Variants in DLGAP2 observed in about 807,000 individuals in gnomAD.
The protein encoded by DLGAP2 is DLG associated protein 2.
Under a neutral mutation model 100.3 loss-of-function variants are expected in DLGAP2, and 26 were observed. The observed-to-expected ratio is 0.26, with a 90% CI of 0.19 to 0.36. The LOEUF is 0.36. Among genes scored for constraint, DLGAP2 ranks in the 10% least tolerant of loss-of-function variants. The probability of loss-of-function intolerance (pLI) is 1.00; values close to 1 mark genes in which losing one functional copy is unlikely to be tolerated. For synonymous variants in DLGAP2, 886 were observed against 630.1 expected, an observed-to-expected ratio of 1.41 and a Z score of -6.08; for missense variants, 1,858 against 1,453.2, an observed-to-expected ratio of 1.28 and a Z score of -4.53.
chr8:1,370,369 G>C (rs539190141), intron 3 of DLGAP2, among the ~76,000 whole-genome samples: 3 of 152,052 alleles, frequency 2.0e-5, no homozygotes, highest in Non-Finnish European at 4.4e-5. Context: ...GCACCATCTC[G>C]TCACCACCTT....
At chr8:924,483 G>T (rs1798773416) in intron 2 of DLGAP2, among the ~76,000 whole-genome samples, 1 of 152,194 alleles carries the variant, frequency 6.6e-6, no homozygotes, top group Non-Finnish European at 1.5e-5. Context: ...GTGAAGTTTA[G>T]TGCTGGCCTT....
intron 8 of DLGAP2, among the ~76,000 whole-genome samples, chr8:1,643,272 C>A (rs868316030): frequency 2.2e-4 from 3 of 13,466 alleles, no homozygotes; most frequent in African/African-American, 6.8e-4. Flanking sequence ...TCACCCTCGA[C>A]CCCGCCGGTC....
chr8:1,094,312 T>TA (rs1017241051), intron 2 of DLGAP2, among the ~76,000 whole-genome samples: 47 of 152,322 alleles, frequency 3.1e-4, no homozygotes, highest in African/African-American at 1.1e-3. Context: ...AATTATGTTA[T>TA]AAAAAATGAT....
chr8:1,196,869 A>T (rs1797762920), intron 2 of DLGAP2, among the ~76,000 whole-genome samples: 1 of 152,138 alleles, frequency 6.6e-6, no homozygotes, highest in African/African-American at 2.4e-5. Flanking sequence ...CAGGATATAT[A>T]CAGACAGGCA....
intron 6 of DLGAP2, among the ~76,000 whole-genome samples, chr8:1,596,746 G>T (rs79691685): frequency 1.3e-5 from 2 of 151,884 alleles, no homozygotes. Context: ...TTGTAAATTT[G>T]TTAAAGTTCC....
At chr8:1,360,525 A>AG (rs1249049463) in intron 3 of DLGAP2, among the ~76,000 whole-genome samples, 1 of 151,952 alleles carries the variant, frequency 6.6e-6, no homozygotes, top group African/African-American at 2.4e-5. Context: ...TTTGCCCTCG[A>AG]GGGGCAGCAC....
At chr8:1,562,479 CGGCGCCT>C in intron 5 of DLGAP2, among the ~76,000 whole-genome samples, 1 of 50,060 alleles carries the variant, frequency 2.0e-5, no homozygotes, top group Non-Finnish European at 3.8e-5. Context: ...GTTGGGGTGT[CGGCGCCT>C]CGTTACTGGG....
At chr8:888,347 GT>G (rs1416461492) in intron 1 of DLGAP2, among the ~76,000 whole-genome samples, 1 of 152,138 alleles carries the variant, frequency 6.6e-6, no homozygotes, top group Non-Finnish European at 1.5e-5. Flanking sequence ...GCTCATCGTA[GT>G]TTTTTGTTAC....
chr8:1,189,422 A>T (rs941922448), intron 2 of DLGAP2, among the ~76,000 whole-genome samples: 3 of 152,226 alleles, frequency 2.0e-5, no homozygotes, highest in Admixed American at 6.5e-5. Context: ...ACCATGTCAG[A>T]AGCATTTGGA....
At chr8:1,284,342 G>T (rs188688291) in intron 3 of DLGAP2, among the ~76,000 whole-genome samples, 9 of 152,270 alleles carry the variant, frequency 5.9e-5, no homozygotes, top group Non-Finnish European at 1.0e-4. Flanking sequence ...GGTATCCGGG[G>T]CTGTGGAATT....
chr8:1,697,655 T>C lies in DLGAP2; in HGVS notation c.2949+356T>C, dbSNP rs572139925. The stretch of plus-strand genomic sequence containing the variant: ...CTATGAATTATCTTTATCAAACTTG[T>C]TCTCATTGTGTAAATATTAAGCTGG... On this transcript the variant is annotated intron_variant, in intron 14 of 14. Coordinates refer to ENST00000637795, the MANE Select transcript of DLGAP2 (RefSeq NM_001346810.2). Among the ~76,000 whole-genome samples, 4 of 152,318 alleles carry C rather than the reference T, an allele frequency of 2.6e-5. No homozygotes were observed. The East Asian group carries it at 7.7e-4, about 29-fold the overall frequency.
intron 1 of DLGAP2, among the ~76,000 whole-genome samples, chr8:859,895 C>T (rs1797357862): frequency 1.3e-5 from 2 of 152,108 alleles, no homozygotes; most frequent in South Asian, 2.1e-4. Flanking sequence ...ACACATGAGA[C>T]ACATGGGCTT....
intron 2 of DLGAP2, among the ~76,000 whole-genome samples, chr8:1,043,314 A>G (rs986906886): frequency 0.036 from 711 of 19,486 alleles, 12 homozygotes; most frequent in Non-Finnish European, 0.053. Flanking sequence ...GGTGTGGGTG[A>G]TGGACGTGGG....
chr8:1,271,064 C>G (rs1211735999), intron 3 of DLGAP2, among the ~76,000 whole-genome samples: 1 of 152,050 alleles, frequency 6.6e-6, no homozygotes, highest in Non-Finnish European at 1.5e-5. Flanking sequence ...AATTCTTTCC[C>G]CACGTCTTCA....
chr8:1,448,468 C>A (rs1798042986), intron 3 of DLGAP2, among the ~76,000 whole-genome samples: 1 of 152,104 alleles, frequency 6.6e-6, no homozygotes. Context: ...GTTATAATTT[C>A]TGTTCTTTTA....
chr8:1,327,412 C>G (rs780474958), intron 3 of DLGAP2, among the ~76,000 whole-genome samples: 2 of 152,234 alleles, frequency 1.3e-5, no homozygotes, highest in Non-Finnish European at 2.9e-5. Context: ...CCTGAGTCAT[C>G]ATTCCATCTC....
chr8:1,697,367 A>T, intron 14 of DLGAP2, 68 bp downstream of exon 14: 1 of 1,517,740 alleles, frequency 6.6e-7, no homozygotes, highest in East Asian at 2.3e-5. Context: ...GACCTGCTGC[A>T]GATAGAGCAT....
intron 1 of DLGAP2, among the ~76,000 whole-genome samples, chr8:889,799 C>A (rs558245230): frequency 1.3e-5 from 2 of 152,234 alleles, no homozygotes; most frequent in South Asian, 2.1e-4. Flanking sequence ...ACCCCTCCCC[C>A]CAGGAGTTCT....
At chr8:919,738 G>A (rs1426289199) in intron 2 of DLGAP2, among the ~76,000 whole-genome samples, 1 of 152,138 alleles carries the variant, frequency 6.6e-6, no homozygotes, top group Non-Finnish European at 1.5e-5. Flanking sequence ...CTGCTGGGCC[G>A]TGCTCGCCAC....
Sources: gnomAD v4.1 joint callset for allele counts (sites outside exome capture counted in the v4.1 genomes callset) on GRCh38, gnomAD v4.1.1 for gene constraint, MANE v1.5 for transcripts, NCBI Gene and HGNC (gene_info 2026-07-23, HGNC 2026-07-21) for gene names.